The following SPTBN4 variants were observed in gnomAD, a reference collection of about 807,000 sequenced individuals.
SPTBN4 encodes spectrin beta chain, non-erythrocytic 4.
A neutral mutation model predicts 277.8 loss-of-function variants in SPTBN4; 96 were observed. That is an observed-to-expected ratio of 0.35 (90% CI 0.29 to 0.41). The LOEUF is 0.41. Among genes scored for constraint, SPTBN4 ranks in the 10% least tolerant of loss-of-function variants. The pLI, the probability that SPTBN4 is intolerant of heterozygous loss-of-function variation, is 1.00. For synonymous variants in SPTBN4, 1,481 were observed against 1,580.3 expected (o/e 0.94, Z 1.49); for missense variants, 3,006 against 3,595.7 (o/e 0.84, Z 4.19).
rs1194848635 is a variant in SPTBN4 at position 40,554,327 on chromosome 19, G to T, written c.4855G>T (p.Ala1619Ser). 1.3e-5 allele frequency: 20 copies of T among 1,557,702 alleles called. No homozygotes were observed. The highest frequency in any genetic ancestry group is 1.7e-5 in the Non-Finnish European group (20 of 1,158,256). The change falls in exon 23 of 36, where the codon GCC becomes TCC. Residue 1619 changes from alanine to serine, a missense_variant. By Grantham distance (99) the Ala-to-Ser change is moderately conservative. Around this residue, in one of 5 missense-constraint regions of SPTBN4, gnomAD observed 1,759 missense variants for 2,061.5 expected, o/e 0.85. Transcript: ENST00000598249. The surrounding 1 kb of genome is among the most constrained non-coding windows in gnomAD (Gnocchi z 5.7). The stretch of plus-strand genomic sequence containing the variant: ...CGAGCGACGGCAGCAGGTGCTGGAC[G>T]CCGCCTTCCAGGTGGAGCAGTACTA... Reference protein sequence around the residue: ...AAERRQQVLDAAFQVEQYYFD... With the variant: ...AAERRQQVLDSAFQVEQYYFD...
chr19:40,554,878 T>G lies in SPTBN4; in HGVS notation c.5084+232T>G. ...GGATTTGAGTGTAGTAGTGGGGACC[T>G]TGTCGGGGGAGAAAAGAGTAGGCGA... On this transcript the variant is annotated intron_variant, in intron 24 of 35. Transcript: ENST00000598249. This position sits in a 1 kb window ranked among gnomAD's most constrained non-coding sequence, Gnocchi z 5.7. 1.9e-6 allele frequency: 1 copy of G among 537,956 alleles called. No homozygotes were observed. Among genetic ancestry groups the G allele is most frequent in the Non-Finnish European group, 3.3e-6 (1 of 307,456 alleles). 33.3% of individuals were successfully genotyped at this position (537,956 alleles called of 1,614,324 possible). A position where few individuals can be genotyped will look rare whatever the true frequency, so the allele number is the denominator to read the frequency against.
At position 40,556,241 on chromosome 19, in the gene SPTBN4, G is replaced by T. The variant is rs747605092; in HGVS notation, c.5242G>T (p.Val1748Leu). Residue 1748 changes from valine to leucine, a missense_variant, in exon 25 of 36, where the codon GTG becomes TTG. By Grantham distance (32) the Val-to-Leu change is conservative (BLOSUM62 1). Transcript: ENST00000598249. ...ELEHWIAEKE[V>L]VAGSPELGQD... ...TGAGCACTGGATTGCCGAGAAGGAG[G>T]TGGTGGCTGGCTCACCCGAGCTCGG... The T allele has an allele frequency of 2.6e-5, 42 of 1,613,682 alleles. No homozygotes were observed. The highest frequency in any genetic ancestry group is 1.7e-4 in the Middle Eastern group (1 of 5,824).
intron 18 of SPTBN4, chr19:40,530,340 C>T (rs1311184783): frequency 2.2e-5 from 4 of 181,044 alleles, no homozygotes; most frequent in African/African-American, 7.2e-5. Context: ...GCAGAAGCCC[C>T]CCACCCGAAG....
chr19:40,541,333 T>C lies in SPTBN4; in HGVS notation c.4359+6990T>C, dbSNP rs560191459. ...GGCCCTGGGGTCACACAGTGATGGG[T>C]GCCAGAGGCAGGCTCCAGCACGAGA... is the stretch of plus-strand genomic sequence containing the variant. On this transcript the variant is annotated intron_variant, in intron 20 of 35. Transcript: ENST00000598249. Among the ~76,000 whole-genome samples, 3 of 152,224 alleles carry C rather than the reference T, an allele frequency of 2.0e-5. No homozygotes were observed. The South Asian group carries it at 6.2e-4, about 32-fold the overall frequency.
At chr19:40,472,548 C>T in intron 1 of SPTBN4, 59 bp from the exon 2 acceptor site, 1 of 1,454,626 alleles carries the variant, frequency 6.9e-7, no homozygotes, top group South Asian at 1.4e-5. Context: ...GACTCAAAGC[C>T]AGTCACTGTT....
chr19:40,539,294 C>T (rs1197487310), intron 20 of SPTBN4, among the ~76,000 whole-genome samples: 3 of 152,206 alleles, frequency 2.0e-5, no homozygotes, highest in Non-Finnish European at 2.9e-5. Flanking sequence ...GCCTTGGATG[C>T]CTTCTCCTTG....
At chr19:40,572,692 C>G in intron 35 of SPTBN4, 2 of 348,652 alleles carry the variant, frequency 5.7e-6, no homozygotes, top group Non-Finnish European at 1.1e-5. Flanking sequence ...GGCGCGGTGG[C>G]TCACGCTTGT....
intron 20 of SPTBN4, among the ~76,000 whole-genome samples, chr19:40,544,981 G>T (rs1057448743): frequency 5.9e-5 from 9 of 151,662 alleles, no homozygotes; most frequent in Non-Finnish European, 1.5e-5. Context: ...CTCTCTTGAT[G>T]GGCATTGAGG....
Position 40,532,662 on chromosome 19 carries a change from G to T in SPTBN4, c.3986G>T (p.Arg1329Leu). The T allele has an allele frequency of 6.2e-7, 1 of 1,613,492 alleles. No homozygotes were observed. The change falls in exon 19 of 36, where the codon CGG becomes CTG. Residue 1329 changes from arginine to leucine, a missense_variant. Physicochemically the swap from Arg to Leu is moderately radical, Grantham distance 102. This residue lies in a region of SPTBN4 where 1,759 missense variants were observed against 2,061.5 expected (regional missense o/e 0.85). Coordinates refer to ENST00000598249, the MANE Select transcript of SPTBN4 (RefSeq NM_020971.3). ...ATCCATGAGAAGATGCTGATGGCGC[G>T]GGATGGCACGCGGGAGGACAACCAC... Reference protein sequence around the residue: ...GWIHEKMLMARDGTREDNHKL... With the variant: ...GWIHEKMLMALDGTREDNHKL...
chr19:40,549,364 T>G lies in SPTBN4; in HGVS notation c.4535T>G (p.Leu1512Arg). Reference protein sequence around the residue: ...EPLQERRRLLLASKELHQVAH... With the variant: ...EPLQERRRLLRASKELHQVAH... The stretch of plus-strand genomic sequence containing the variant: ...TTGCAGGAGCGCCGCCGCTTGCTGC[T>G]GGCTTCCAAGGAGTTGCACCAGGTG... The change falls in exon 21 of 36, where the codon CTG becomes CGG. Residue 1512 changes from leucine (L) to arginine (R), a missense_variant. Around this residue, in one of 5 missense-constraint regions of SPTBN4, gnomAD observed 1,759 missense variants for 2,061.5 expected, o/e 0.85. Transcript: ENST00000598249. The G allele has an allele frequency of 7.0e-7, 1 of 1,435,350 alleles. No individual in the cohort carries two copies. Among genetic ancestry groups the G allele is most frequent in the Non-Finnish European group, 9.2e-7 (1 of 1,085,448 alleles). 88.9% of individuals were successfully genotyped at this position (1,435,350 alleles called of 1,614,324 possible). A position where few individuals can be genotyped will look rare whatever the true frequency, so the allele number is the denominator to read the frequency against.
chr19:40,498,218 C>T (rs1171690944), intron 7 of SPTBN4, among the ~76,000 whole-genome samples: 1 of 152,010 alleles, frequency 6.6e-6, no homozygotes. Flanking sequence ...CCAGGATCAG[C>T]CCTGACACCC....
rs1421275210 is a variant in SPTBN4, at chr19:40,570,752, G to T, written c.7319+24G>T. 28 of 1,598,796 alleles carry T rather than the reference G, an allele frequency of 1.8e-5. 1 individual carries two copies. Among genetic ancestry groups the T allele is most frequent in the Non-Finnish European group, 2.2e-5 (26 of 1,173,244 alleles). On this transcript the variant is annotated intron_variant, in intron 33 of 35. Transcript: ENST00000598249. ...CGGTGAGCGTGTGGGCGGGGCTTTGGAAGGCGGGTCTCAGGCTCAGGGTGA... is the reference window on the plus strand; with the variant it reads ...CGGTGAGCGTGTGGGCGGGGCTTTGTAAGGCGGGTCTCAGGCTCAGGGTGA...
chr19:40,523,305 G>A (rs773368891), intron 16 of SPTBN4, 132 bp from the exon 17 acceptor site: 4 of 842,352 alleles, frequency 4.7e-6, no homozygotes, highest in Non-Finnish European at 7.3e-6. Flanking sequence ...CAACAGCCCC[G>A]AGGTGGGACC....
intron 27 of SPTBN4, among the ~76,000 whole-genome samples, chr19:40,563,535 C>T (rs1310051000): frequency 1.3e-5 from 2 of 151,822 alleles, no homozygotes; most frequent in African/African-American, 2.4e-5. Flanking sequence ...TTTTATTTAA[C>T]CTGACATACC....
At chr19:40,486,391 A>G (rs943510561) in intron 2 of SPTBN4, among the ~76,000 whole-genome samples, 20 of 148,472 alleles carry the variant, frequency 1.3e-4, no homozygotes, top group African/African-American at 4.2e-4. Flanking sequence ...TTTTTTTGAG[A>G]CAGGGTCTGG....
chr19:40,493,367 G>C (rs1046764160), intron 5 of SPTBN4, among the ~76,000 whole-genome samples: 3 of 152,068 alleles, frequency 2.0e-5, no homozygotes, highest in Non-Finnish European at 4.4e-5. Context: ...TCCCTCCTCA[G>C]CCTCCCAAGT....
intron 33 of SPTBN4, 148 bp from the exon 34 acceptor site, chr19:40,571,871 G>A (rs2081158416): frequency 1.2e-6 from 1 of 843,126 alleles, no homozygotes; most frequent in Admixed American, 2.7e-5. Context: ...CCTTAAGGAA[G>A]AGCATTTTAG....
In SPTBN4 at chr19:40,513,173, T is replaced by A. The variant is rs2080413215; in HGVS notation, c.2384T>A (p.Leu795Gln). 1 of 1,501,650 alleles carries A rather than the reference T, an allele frequency of 6.7e-7. No homozygotes were observed. The highest frequency in any genetic ancestry group is 8.8e-7 in the Non-Finnish European group (1 of 1,133,892). The allele number at this position is 1,501,650 out of a possible 1,614,324, so 93.0% of individuals were successfully genotyped here. ...LLDWLRDAYR[L>Q]AAAGDFGHDE... Reference sequence around the variant, plus strand: ...GACTGGCTTCGCGACGCTTACCGCCTGGCAGCCGCCGGTGACTTCGGCCAC... The same window carrying A: ...GACTGGCTTCGCGACGCTTACCGCCAGGCAGCCGCCGGTGACTTCGGCCAC... The change falls in exon 14 of 36, where the codon CTG becomes CAG. Residue 795 changes from leucine to glutamine, a missense_variant. Coordinates refer to ENST00000598249, the MANE Select transcript of SPTBN4 (RefSeq NM_020971.3).
rs565866897 is a variant in SPTBN4, at chr19:40,505,786, A to C, written c.1666-450A>C. Among the ~76,000 whole-genome samples the C allele has an allele frequency of 3.3e-5, 5 of 152,190 alleles. No individual in the cohort carries two copies. The East Asian group carries it at 7.7e-4, about 23-fold the overall frequency. ...AGGTGAACAGGAGACACAGACAGGA[A>C]GGTGAACAGGAGATGGAGAGAAAGA... is the stretch of plus-strand genomic sequence containing the variant. On this transcript the variant is annotated intron_variant, in intron 12 of 35. Transcript: ENST00000598249.
Sources: allele counts gnomAD v4.1 joint callset (sites outside exome capture counted in the v4.1 genomes callset), GRCh38; gene constraint gnomAD v4.1.1; regional missense constraint gnomAD v4.1.1; non-coding constraint Gnocchi (gnomAD v3.1); transcripts MANE v1.5; gene names NCBI Gene and HGNC (gene_info 2026-07-23, HGNC 2026-07-21).